The following MAST2 variants were observed in gnomAD, a reference collection of about 807,000 sequenced individuals.
MAST2 encodes the protein microtubule associated serine/threonine kinase 2.
A neutral mutation model predicts 147.4 loss-of-function variants in MAST2; 70 were observed. The ratio of observed to expected loss-of-function variants is 0.47; its 90% CI spans 0.39 to 0.58. The LOEUF (loss-of-function observed/expected upper bound fraction) is 0.58, where lower values mean the gene tolerates loss of function less well. Among genes scored for constraint, MAST2 ranks in the 20% least tolerant of loss-of-function variants. MAST2 has a pLI of 0.00. For synonymous variants in MAST2, 869 were observed against 896.8 expected (o/e 0.97, Z 0.55); for missense variants, 2,080 against 2,302.3 (o/e 0.90, Z 1.98).
At chr1:46,017,482 A>G (rs1254555290) in intron 10 of MAST2, among the ~76,000 whole-genome samples, 10 of 152,350 alleles carry the variant, frequency 6.6e-5, no homozygotes, top group South Asian at 2.1e-4. Context: ...CAAGAAAAAA[A>G]CAACCCCATC....
chr1:45,901,203 T>C (rs912835100), intron 4 of MAST2, among the ~76,000 whole-genome samples: 2 of 152,212 alleles, frequency 1.3e-5, no homozygotes, highest in African/African-American at 4.8e-5. Context: ...GGGTCCAGTT[T>C]CATTCTTCTG....
intron 3 of MAST2, among the ~76,000 whole-genome samples, chr1:45,833,170 T>G (rs1645008208): frequency 6.6e-6 from 1 of 152,218 alleles, no homozygotes; most frequent in Non-Finnish European, 1.5e-5. Flanking sequence ...ATGTTTTGTT[T>G]AGCTGTTCAT....
At chr1:45,925,639 A>G (rs1332114460) in intron 4 of MAST2, among the ~76,000 whole-genome samples, 9 of 152,302 alleles carry the variant, frequency 5.9e-5, no homozygotes, top group Admixed American at 5.2e-4. Context: ...TAGGTTTTGA[A>G]TCAGTTTTGA....
intron 3 of MAST2, among the ~76,000 whole-genome samples, chr1:45,858,761 T>C (rs1645878545): frequency 2.0e-5 from 3 of 151,466 alleles, no homozygotes; most frequent in Admixed American, 6.6e-5. Flanking sequence ...AACATTTAAG[T>C]CTTTAATCCA....
At chr1:45,823,281 G>A (rs895106084) in intron 1 of MAST2, among the ~76,000 whole-genome samples, 1 of 148,928 alleles carries the variant, frequency 6.7e-6, no homozygotes, top group Non-Finnish European at 1.5e-5. Context: ...TTGCTATGGT[G>A]CCAGTTACTT....
At chr1:45,963,286 T>C (rs1660701889) in intron 5 of MAST2, among the ~76,000 whole-genome samples, 1 of 152,240 alleles carries the variant, frequency 6.6e-6, no homozygotes, top group African/African-American at 2.4e-5. Flanking sequence ...AGTAGTTTTT[T>C]CCAATTCTGT....
intron 3 of MAST2, among the ~76,000 whole-genome samples, chr1:45,853,121 G>C (rs1645675506): frequency 6.6e-6 from 1 of 151,622 alleles, no homozygotes; most frequent in Non-Finnish European, 1.5e-5. Flanking sequence ...GTAGAGACAG[G>C]GTTTCACCAT....
intron 2 of MAST2, among the ~76,000 whole-genome samples, chr1:45,827,022 G>T (rs1024899670): frequency 2.6e-5 from 4 of 151,954 alleles, no homozygotes; most frequent in African/African-American, 7.3e-5. Flanking sequence ...TAGAGACGGG[G>T]TTTCACTATG....
intron 11 of MAST2, among the ~76,000 whole-genome samples, chr1:46,020,334 G>A (rs1289249152): frequency 6.6e-6 from 1 of 152,142 alleles, no homozygotes; most frequent in Non-Finnish European, 1.5e-5. Context: ...TCGGGAGCAT[G>A]GGAAGGAGCA....
intron 4 of MAST2, among the ~76,000 whole-genome samples, chr1:45,931,657 T>C (rs1296658293): frequency 2.0e-5 from 3 of 151,828 alleles, no homozygotes; most frequent in Non-Finnish European, 4.4e-5. Flanking sequence ...ACCTGGCTAA[T>C]TTTTGTGTTT....
chr1:45,907,229 A>G (rs1026120890), intron 4 of MAST2, among the ~76,000 whole-genome samples: 2 of 152,192 alleles, frequency 1.3e-5, no homozygotes, highest in Non-Finnish European at 2.9e-5. Flanking sequence ...GATGTCTTTC[A>G]GAGAGCAGAA....
intron 10 of MAST2, among the ~76,000 whole-genome samples, chr1:46,013,811 G>A (rs1302699155): frequency 6.6e-6 from 1 of 152,140 alleles, no homozygotes; most frequent in Non-Finnish European, 1.5e-5. Context: ...GAACAGCCAA[G>A]AGAACATGTT....
rs1383894071 is a variant in MAST2, at chr1:46,031,542, C to A, written c.3144C>A (p.Ile1048=). 6.2e-7 allele frequency: 1 copy of A among 1,613,994 alleles called. No homozygotes were observed. The highest frequency in any genetic ancestry group is 1.7e-5 in the Admixed American group (1 of 60,014). Residue 1048 remains isoleucine, a synonymous_variant, in exon 24 of 29, where the codon ATC becomes ATA. Coordinates refer to ENST00000361297, the MANE Select transcript of MAST2 (RefSeq NM_015112.3). This position sits in a 1 kb window ranked among gnomAD's most constrained non-coding sequence, Gnocchi z 4.1. ...KRTARPVNKV[I]KSASATALSL... ...CTGCTCGCCCTGTCAACAAAGTGAT[C>A]AAGTCCGCCTCAGCCACAGCCCTCT...
chr1:45,862,404 T>G lies in MAST2; in HGVS notation c.469-19960T>G, dbSNP rs1304094157. ...CAATAAGGTACTACTGAAGATAAAA[T>G]CTGTTGTTTCCATGATATGGCGTGT... On this transcript the variant is annotated intron_variant, in intron 3 of 28. Coordinates refer to ENST00000361297, the MANE Select transcript of MAST2 (RefSeq NM_015112.3). Among the ~76,000 whole-genome samples the G allele has an allele frequency of 2.6e-5, 4 of 152,134 alleles. No homozygotes were observed. The East Asian group carries it at 7.7e-4, about 29-fold the overall frequency.
intron 4 of MAST2, among the ~76,000 whole-genome samples, chr1:45,941,845 A>G (rs773379882): frequency 2.6e-5 from 4 of 152,146 alleles, no homozygotes; most frequent in Non-Finnish European, 5.9e-5. Flanking sequence ...ATGGTTGTGT[A>G]GTTTTTGTCC....
At position 46,030,515 on chromosome 1, in the gene MAST2, A is replaced by G. The variant is rs1646606524; in HGVS notation, c.2554-92A>G. The stretch of plus-strand genomic sequence containing the variant: ...AGGAGGGATGGAACCGACTGGTTCA[A>G]ATTCCTAGGTTTCCGATGCCAAGGA... On this transcript the variant is annotated intron_variant, in intron 21 of 28. Coordinates refer to ENST00000361297, the MANE Select transcript of MAST2 (RefSeq NM_015112.3). 3 of 1,459,652 alleles carry G rather than the reference A, an allele frequency of 2.1e-6. No homozygotes were observed. In the South Asian group the frequency reaches 3.9e-5, roughly 19 times the overall value. The allele number at this position is 1,459,652 out of a possible 1,614,324, so 90.4% of individuals were successfully genotyped here.
chr1:45,959,286 C>A, intron 4 of MAST2, 100 bp from the exon 5 acceptor site: 1 of 805,920 alleles, frequency 1.2e-6, no homozygotes, highest in Admixed American at 2.1e-5. Flanking sequence ...TACTGTGCGG[C>A]CCGTGGAATG....
chr1:45,965,125 T>C (rs946836912), intron 5 of MAST2, among the ~76,000 whole-genome samples: 4 of 152,138 alleles, frequency 2.6e-5, no homozygotes, highest in Non-Finnish European at 5.9e-5. Context: ...TGCTGAGGAG[T>C]GCTTTACTTC....
intron 6 of MAST2, among the ~76,000 whole-genome samples, chr1:45,998,985 G>A (rs1645167890): frequency 6.6e-6 from 1 of 152,114 alleles, no homozygotes; most frequent in Non-Finnish European, 1.5e-5. Context: ...ACCCGCCTCG[G>A]CCTCCCAAAG....
Sources: allele counts gnomAD v4.1 joint callset (sites outside exome capture counted in the v4.1 genomes callset), GRCh38; gene constraint gnomAD v4.1.1; non-coding constraint Gnocchi (gnomAD v3.1); transcripts MANE v1.5; gene names NCBI Gene and HGNC (gene_info 2026-07-23, HGNC 2026-07-21).